The following COL13A1 variants were observed in gnomAD, a reference collection of about 807,000 sequenced individuals.
The protein encoded by COL13A1 is collagen type XIII alpha 1 chain.
COL13A1 carries 89 observed loss-of-function variants against 130.9 expected under a neutral mutation model. The ratio of observed to expected loss-of-function variants is 0.68; its 90% CI spans 0.57 to 0.81. The LOEUF (loss-of-function observed/expected upper bound fraction) is 0.81, where lower values mean the gene tolerates loss of function less well. Among genes scored for constraint, COL13A1 ranks in the 30% least tolerant of loss-of-function variants. The probability of loss-of-function intolerance (pLI) is 0.00; values close to 1 mark genes in which losing one functional copy is unlikely to be tolerated. For synonymous variants in COL13A1, 402 were observed against 341.6 expected (o/e 1.18, Z -1.95); for missense variants, 879 against 934.6 (o/e 0.94, Z 0.78).
At chr10:69,824,895 C>T (rs1007144846) in intron 2 of COL13A1, among the ~76,000 whole-genome samples, 3 of 152,182 alleles carry the variant, frequency 2.0e-5, no homozygotes, top group Admixed American at 6.5e-5. Flanking sequence ...TCCGGCCTTT[C>T]GTAACTGAGT....
intron 26 of COL13A1, among the ~76,000 whole-genome samples, chr10:69,926,186 G>T (rs1230339393): frequency 6.6e-6 from 1 of 152,260 alleles, no homozygotes; most frequent in Non-Finnish European, 1.5e-5. Flanking sequence ...TACGGCCCAT[G>T]CAGGGTGCTG....
At chr10:69,810,389 T>A (rs11596035) in intron 1 of COL13A1, among the ~76,000 whole-genome samples, 8,918 of 101,256 alleles carry the variant, frequency 0.088, 416 homozygotes, top group Admixed American at 0.14. Flanking sequence ...AGACAGAGAG[T>A]CTGTGTGGCC....
intron 21 of COL13A1, among the ~76,000 whole-genome samples, chr10:69,921,546 C>T (rs2064672915): frequency 6.6e-6 from 1 of 152,234 alleles, no homozygotes; most frequent in Non-Finnish European, 1.5e-5. Context: ...AACTGCTCAC[C>T]TCTCCCAGGA....
chr10:69,933,135 C>CAAAA lies in COL13A1; in HGVS notation c.1728+560_1728+563dup, dbSNP rs34323794. Among the ~76,000 whole-genome samples, 21 of 44,432 alleles carry CAAAA rather than the reference C, an allele frequency of 4.7e-4. 2 individuals carry two copies. The highest frequency in any genetic ancestry group is 3.6e-3 in the South Asian group (2 of 548). 29.1% of individuals were successfully genotyped at this position (44,432 alleles called of 152,430 possible). A position where few individuals can be genotyped will look rare whatever the true frequency, so the allele number is the denominator to read the frequency against. Reference sequence around the variant, plus strand: ...TGGGCAACAGAGTGAGACTCTGCCTCAAAAAAAAAAAAAAAAAAAAAAAAA... The same window carrying CAAAA: ...TGGGCAACAGAGTGAGACTCTGCCTCAAAAAAAAAAAAAAAAAAAAAAAAAAAAA... On this transcript the variant is annotated intron_variant, in intron 31 of 40. Coordinates refer to ENST00000645393, the MANE Select transcript of COL13A1 (RefSeq NM_001368882.1).
intron 2 of COL13A1, among the ~76,000 whole-genome samples, chr10:69,835,773 G>C (rs141933436): frequency 6.6e-6 from 1 of 152,242 alleles, no homozygotes; most frequent in African/African-American, 2.4e-5. Flanking sequence ...GGCAGTGGCC[G>C]TGATGCTTGT....
intron 1 of COL13A1, among the ~76,000 whole-genome samples, chr10:69,807,934 T>C (rs1842000517): frequency 6.6e-6 from 1 of 152,198 alleles, no homozygotes; most frequent in Admixed American, 6.5e-5. Context: ...CTGCACACTT[T>C]CCCATGGAGC....
At position 69,958,928 on chromosome 10, in the gene COL13A1, T is replaced by C; in HGVS notation, c.*227T>C. The C allele has an allele frequency of 3.5e-6, 2 of 564,312 alleles. No individual in the cohort carries two copies. The highest frequency in any genetic ancestry group is 6.1e-6 in the Non-Finnish European group (2 of 329,706). 35.0% of individuals were successfully genotyped at this position (564,312 alleles called of 1,614,324 possible). ...TAATACATTTTTTGTTTGGTCGTAATGTCTGCATGATATTTGTGCACATTT... is the reference window on the plus strand; with the variant it reads ...TAATACATTTTTTGTTTGGTCGTAACGTCTGCATGATATTTGTGCACATTT... On this transcript the variant is annotated 3_prime_UTR_variant, in exon 41 of 41. Transcript: ENST00000645393.
intron 8 of COL13A1, among the ~76,000 whole-genome samples, chr10:69,887,858 G>A (rs762745242): frequency 2.0e-5 from 3 of 152,216 alleles, no homozygotes; most frequent in African/African-American, 4.8e-5. Flanking sequence ...GATCCAGCGA[G>A]GGGGAGGCAG....
At chr10:69,958,192 G>C (rs1430537702) in intron 40 of COL13A1, among the ~76,000 whole-genome samples, 6 of 152,202 alleles carry the variant, frequency 3.9e-5, no homozygotes. Flanking sequence ...GCTCCACTTA[G>C]ACCTAGTTAA....
At chr10:69,895,670 T>C in intron 13 of COL13A1, 94 bp downstream of exon 13, 1 of 1,383,758 alleles carries the variant, frequency 7.2e-7, no homozygotes, top group Non-Finnish European at 1.0e-6. Flanking sequence ...CTCCAGTTAC[T>C]AACAGATCAT....
intron 2 of COL13A1, among the ~76,000 whole-genome samples, chr10:69,866,149 C>T (rs2058490809): frequency 6.6e-6 from 1 of 152,240 alleles, no homozygotes; most frequent in Non-Finnish European, 1.5e-5. Context: ...CCTCCTGCTA[C>T]CCAGCTGAGC....
intron 21 of COL13A1, 38 bp downstream of exon 21, chr10:69,919,765 C>G: frequency 2.5e-6 from 1 of 398,672 alleles, no homozygotes; most frequent in East Asian, 3.6e-5. Context: ...CCCCTTCATC[C>G]TAGCCTCACC....
At chr10:69,837,772 G>A (rs1157060606) in intron 2 of COL13A1, among the ~76,000 whole-genome samples, 1 of 151,562 alleles carries the variant, frequency 6.6e-6, no homozygotes, top group South Asian at 2.1e-4. Context: ...TGTTCCCGTG[G>A]AACGGCGATC....
intron 6 of COL13A1, among the ~76,000 whole-genome samples, chr10:69,878,557 C>A (rs1009679447): frequency 6.6e-6 from 1 of 152,160 alleles, no homozygotes; most frequent in African/African-American, 2.4e-5. Flanking sequence ...TCTCGGCTCA[C>A]TGCAACCTCC....
intron 38 of COL13A1, among the ~76,000 whole-genome samples, chr10:69,952,100 C>T (rs1440035156): frequency 6.6e-6 from 1 of 152,178 alleles, no homozygotes; most frequent in East Asian, 1.9e-4. Context: ...ATTCCTTAAA[C>T]CAACATATTC....
At position 69,922,707 on chromosome 10, in the gene COL13A1, G is replaced by C. The variant is rs550692895; in HGVS notation, c.1144-1G>C. ...ATGCTAACTCCACCTTCCACCCCCA[G>C]GGAGAGAAAGGCGATGCTGGCAACT... On this transcript the variant is annotated splice_acceptor_variant, in intron 22 of 40. Coordinates refer to ENST00000645393, the MANE Select transcript of COL13A1 (RefSeq NM_001368882.1). LOFTEE classifies it high-confidence loss of function. The C allele has an allele frequency of 1.2e-6, 2 of 1,603,324 alleles. No homozygotes were observed. The highest frequency in any genetic ancestry group is 4.5e-5 in the East Asian group (2 of 44,512).
chr10:69,823,341 C>A (rs185111565), intron 2 of COL13A1, among the ~76,000 whole-genome samples: 4 of 152,214 alleles, frequency 2.6e-5, no homozygotes, highest in Non-Finnish European at 5.9e-5. Flanking sequence ...CCCTGAGGAA[C>A]TAGAATGCAC....
intron 30 of COL13A1, among the ~76,000 whole-genome samples, chr10:69,931,507 C>T (rs969832454): frequency 5.9e-5 from 9 of 152,154 alleles, no homozygotes; most frequent in African/African-American, 1.4e-4. Context: ...CCTAGTTCGA[C>T]GGTGCTAGAA....
At chr10:69,805,180 T>C (rs1287510566) in intron 1 of COL13A1, among the ~76,000 whole-genome samples, 1 of 152,042 alleles carries the variant, frequency 6.6e-6, no homozygotes, top group Non-Finnish European at 1.5e-5. Context: ...TAGATCTAAA[T>C]AAGAGTAATG....
Sources: allele counts gnomAD v4.1 joint callset (sites outside exome capture counted in the v4.1 genomes callset), GRCh38; gene constraint gnomAD v4.1.1; transcripts MANE v1.5; gene names NCBI Gene and HGNC (gene_info 2026-07-23, HGNC 2026-07-21).